Variants in MTHFS observed in about 807,000 individuals in gnomAD.
MTHFS encodes the protein 5-formyltetrahydrofolate cyclo-ligase.
Under a neutral mutation model 12.7 loss-of-function variants are expected in MTHFS, and 7 were observed. The ratio of observed to expected loss-of-function variants is 0.55; its 90% confidence interval spans 0.31 to 1.03. MTHFS has a LOEUF of 1.03. Among genes scored for constraint, MTHFS ranks in the 50% least tolerant of loss-of-function variants. MTHFS has a pLI of 0.05. For missense variants in MTHFS, 252 were observed against 258.1 expected (o/e 0.98, Z 0.16); for synonymous variants, 100 against 97.1 (o/e 1.03, Z -0.18).
intron 1 of MTHFS, 173 bp downstream of exon 1, chr15:79,896,699 C>T: frequency 8.2e-7 from 1 of 1,217,858 alleles, no homozygotes; most frequent in South Asian, 1.6e-5. Flanking sequence ...CAAGAGCGTC[C>T]AGACCACGAC....
At chr15:79,856,959 A>T (rs1278807071) in intron 2 of MTHFS, among the ~76,000 whole-genome samples, 2 of 145,498 alleles carry the variant, frequency 1.4e-5, no homozygotes, top group African/African-American at 5.1e-5. Flanking sequence ...AGCTATTTCT[A>T]TTTTTCTCAG....
At chr15:79,860,314 A>C (rs531683937) in intron 2 of MTHFS, among the ~76,000 whole-genome samples, 1 of 151,962 alleles carries the variant, frequency 6.6e-6, no homozygotes, top group South Asian at 2.1e-4. Flanking sequence ...GCGTGAACCC[A>C]GGAGGCAGAG....
chr15:79,896,842 C>CCG (rs1292387427), intron 1 of MTHFS, 30 bp downstream of exon 1: 1 of 1,539,414 alleles, frequency 6.5e-7, no homozygotes, highest in Admixed American at 2.0e-5. Flanking sequence ...GGTCTGTCCG[C>CCG]CGCGGCTTCC....
rs75625717 is a variant in MTHFS, at chr15:79,847,387, G to T, written c.380-1945C>A. On this transcript the variant is annotated intron_variant, in intron 2 of 2. Coordinates refer to ENST00000258874, the MANE Select transcript of MTHFS (RefSeq NM_006441.4). The stretch of plus-strand genomic sequence containing the variant: ...ACCAAATAACCCAATTAAAAACTGG[G>T]CAAAAGACTTAAACAGGATGGGCAC... 0.021 allele frequency among the ~76,000 whole-genome samples: 3,262 copies of T among 152,098 alleles called. 192 individuals carry two copies. The East Asian group carries it at 0.22, about 10-fold the overall frequency.
intron 2 of MTHFS, among the ~76,000 whole-genome samples, chr15:79,859,378 T>C (rs949489813): frequency 6.6e-6 from 1 of 152,240 alleles, no homozygotes; most frequent in African/African-American, 2.4e-5. Flanking sequence ...AGTGCCAAAA[T>C]AGGCAGATTC....
intron 2 of MTHFS, 74 bp downstream of exon 2, chr15:79,889,019 C>G: frequency 3.2e-6 from 5 of 1,560,766 alleles, no homozygotes; most frequent in Non-Finnish European, 4.3e-6. Context: ...TCCCACTGAC[C>G]CACACATAAC....
chr15:79,867,246 T>C (rs1226513858), intron 2 of MTHFS, among the ~76,000 whole-genome samples: 5 of 152,140 alleles, frequency 3.3e-5, no homozygotes, highest in Non-Finnish European at 5.9e-5. Context: ...GTTAGCAAAT[T>C]ATATAAATGA....
chr15:79,875,856 AC>A (rs1479087211), intron 2 of MTHFS: 1 of 152,170 alleles, frequency 6.6e-6, no homozygotes, highest in Non-Finnish European at 1.5e-5. Flanking sequence ...AACTTAGATA[AC>A]ACAACAGTAA....
intron 1 of MTHFS, among the ~76,000 whole-genome samples, chr15:79,893,016 TTAC>T (rs1299368018): frequency 1.3e-5 from 2 of 152,196 alleles, no homozygotes; most frequent in Admixed American, 1.3e-4. Context: ...TAAATACTGT[TTAC>T]TGTAAATACA....
chr15:79,853,102 C>G (rs947223766), intron 2 of MTHFS, among the ~76,000 whole-genome samples: 1 of 152,158 alleles, frequency 6.6e-6, no homozygotes, highest in Non-Finnish European at 1.5e-5. Context: ...ACCCATAATA[C>G]AGGTTCACCC....
rs528538110 is a variant in MTHFS at position 79,865,712 on chromosome 15, G to T, written c.380-20270C>A. Among the ~76,000 whole-genome samples, 11 of 152,308 alleles carry T rather than the reference G, an allele frequency of 7.2e-5. No individual in the cohort carries two copies. In the East Asian group the frequency reaches 9.6e-4, roughly 13 times the overall value. ...GGTATGGCCATGAATCCTAACAAAG[G>T]CTCCATGTTTGGATCTTCTGCCCCT... On this transcript the variant is annotated intron_variant, in intron 2 of 2. Transcript: ENST00000258874.
Position 79,896,970 on chromosome 15 carries a change from T to C in MTHFS, c.19A>G (p.Ser7Gly), listed in dbSNP as rs1037979323. MAAAAVSSAKRSLRGEL... is the reference protein window; with the variant it reads MAAAAVGSAKRSLRGEL... ...CCCCGCAGGCTCCGCTTGGCGCTGC[T>C]CACCGCTGCCGCCGCCATCTCACGC... Residue 7 changes from serine (S) to glycine (G), a missense_variant, in exon 1 of 3, where the codon AGC becomes GGC. Ser to Gly is a moderately conservative substitution (Grantham distance 56). Coordinates refer to ENST00000258874, the MANE Select transcript of MTHFS (RefSeq NM_006441.4). The C allele has an allele frequency of 3.3e-5, 50 of 1,532,102 alleles. No individual in the cohort carries two copies. Among genetic ancestry groups the C allele is most frequent in the Non-Finnish European group, 4.3e-5 (49 of 1,144,614 alleles). The allele number at this position is 1,532,102 out of a possible 1,614,324, so 94.9% of individuals were successfully genotyped here.
At chr15:79,846,420 A>G (rs1271770350) in intron 2 of MTHFS, among the ~76,000 whole-genome samples, 1 of 152,284 alleles carries the variant, frequency 6.6e-6, no homozygotes, top group South Asian at 2.1e-4. Flanking sequence ...TTCATATAGC[A>G]TTTGCTGGCA....
intron 2 of MTHFS, among the ~76,000 whole-genome samples, chr15:79,887,531 G>A (rs1170316705): frequency 6.6e-6 from 1 of 152,214 alleles, no homozygotes; most frequent in African/African-American, 2.4e-5. Context: ...TTATAGAGAT[G>A]ATACAAGCAT....
rs2034153905 is a variant in MTHFS at position 79,874,342 on chromosome 15, T to C, written c.379+14751A>G. On this transcript the variant is annotated intron_variant, in intron 2 of 2. Transcript: ENST00000258874. ...TCCCATCCCCCTCTCCCCAGCTTCA[T>C]GGTAGACTTGAAAATCAACAGCCTT... 2.6e-5 allele frequency among the ~76,000 whole-genome samples: 4 copies of C among 152,212 alleles called. 1 individual carries two copies. The South Asian group carries it at 8.3e-4, about 32-fold the overall frequency.
chr15:79,888,626 A>G (rs1214402590), intron 2 of MTHFS, among the ~76,000 whole-genome samples: 1 of 152,230 alleles, frequency 6.6e-6, no homozygotes, highest in Non-Finnish European at 1.5e-5. Context: ...GGACTTAACA[A>G]TAGACCACAG....
chr15:79,888,652 A>G (rs569030110), intron 2 of MTHFS, among the ~76,000 whole-genome samples: 1 of 152,296 alleles, frequency 6.6e-6, no homozygotes, highest in East Asian at 1.9e-4. Context: ...GCATAAGAGA[A>G]AGAGGGGAGT....
At chr15:79,851,778 T>C (rs908055742) in intron 2 of MTHFS, among the ~76,000 whole-genome samples, 2 of 152,150 alleles carry the variant, frequency 1.3e-5, no homozygotes, top group African/African-American at 4.8e-5. Flanking sequence ...ATGGATAATA[T>C]ACATGGTTCC....
intron 2 of MTHFS, chr15:79,877,733 C>G (rs2034225508): frequency 6.6e-6 from 1 of 151,598 alleles, no homozygotes; most frequent in Non-Finnish European, 1.5e-5. Context: ...CATTTTTACA[C>G]ATCAGAGTCA....
Sources: gnomAD v4.1 joint callset for allele counts (sites outside exome capture counted in the v4.1 genomes callset) on GRCh38, gnomAD v4.1.1 for gene constraint, MANE v1.5 for transcripts, NCBI Gene and HGNC (gene_info 2026-07-23, HGNC 2026-07-21) for gene names.